The following PSMA3 variants were observed in gnomAD, a reference collection of about 807,000 sequenced individuals.
PSMA3 encodes proteasome 20S subunit alpha 3, also known as proteasome subunit alpha type-3.
PSMA3 carries 8 observed loss-of-function variants against 40.0 expected under a neutral mutation model. That is an observed-to-expected ratio of 0.20 (90% CI 0.12 to 0.36). PSMA3 has a LOEUF of 0.36. PSMA3 is among the 10% of genes least tolerant of loss of function. PSMA3 has a pLI of 1.00. For missense variants in PSMA3, 219 were observed against 310.6 expected (o/e 0.70, Z 2.22); for synonymous variants, 110 against 100.0 (o/e 1.10, Z -0.59).
chr14:58,252,821 G>GAAAA (rs11445029), intron 3 of PSMA3, among the ~76,000 whole-genome samples: 1 of 138,270 alleles, frequency 7.2e-6, no homozygotes, highest in Non-Finnish European at 1.6e-5. Flanking sequence ...ACTACTGAAA[G>GAAAA]AAAAAAAAAA....
chr14:58,249,103 G>C (rs1889942731), intron 2 of PSMA3, among the ~76,000 whole-genome samples: 1 of 152,088 alleles, frequency 6.6e-6, no homozygotes, highest in South Asian at 2.1e-4. Context: ...TGGGATTACA[G>C]ACATGCACCA....
intron 8 of PSMA3, chr14:58,268,815 T>C (rs546230964): frequency 3.3e-5 from 5 of 152,360 alleles, no homozygotes; most frequent in African/African-American, 1.2e-4. Flanking sequence ...TTTTACTTAG[T>C]TGTAGAAAAT....
At chr14:58,255,706 T>C (rs1002351933) in intron 3 of PSMA3, among the ~76,000 whole-genome samples, 1 of 152,068 alleles carries the variant, frequency 6.6e-6, no homozygotes, top group African/African-American at 2.4e-5. Flanking sequence ...GAGGTGGAGG[T>C]TGCGGTGAGC....
chr14:58,256,708 G>A (rs998047976), intron 3 of PSMA3, among the ~76,000 whole-genome samples: 1 of 151,850 alleles, frequency 6.6e-6, no homozygotes, highest in Admixed American at 6.6e-5. Flanking sequence ...CACCAGGTCC[G>A]GCCTGAGCAT....
intron 3 of PSMA3, 51 bp downstream of exon 3, chr14:58,252,293 A>G (rs751226710): frequency 5.1e-6 from 8 of 1,579,230 alleles, no homozygotes; most frequent in Non-Finnish European, 6.9e-6. Context: ...TTTCTTTTGA[A>G]GTAACTGATT....
rs752591943 is a variant in PSMA3 at position 58,247,743 on chromosome 14, C to T, written c.22-7C>T. ...TACAAGCTTACTGTTGCCCTTTTCT[C>T]CTTAAGTATGACCTGTCAGCCTCTA... On this transcript the variant is annotated splice_polypyrimidine_tract_variant and splice_region_variant and intron_variant, in intron 1 of 10. Coordinates refer to ENST00000216455, the MANE Select transcript of PSMA3 (RefSeq NM_002788.4). 8 of 1,579,284 alleles carry T rather than the reference C, an allele frequency of 5.1e-6. No homozygotes were observed. The African/African-American group carries it at 6.8e-5, about 13-fold the overall frequency.
chr14:58,251,859 G>A (rs1423352134), intron 2 of PSMA3, among the ~76,000 whole-genome samples: 9 of 151,914 alleles, frequency 5.9e-5, no homozygotes, highest in Admixed American at 3.3e-4. Flanking sequence ...ATTGTGTTTC[G>A]TTAGCATCAT....
chr14:58,259,231 CTCTGAGT>C (rs542598979), intron 5 of PSMA3, among the ~76,000 whole-genome samples: 15 of 152,226 alleles, frequency 9.9e-5, no homozygotes, highest in Non-Finnish European at 2.1e-4. Context: ...TTCAACTGAG[CTCTGAGT>C]TCATCAGTTA....
intron 2 of PSMA3, among the ~76,000 whole-genome samples, chr14:58,248,563 A>G (rs1423419783): frequency 2.0e-5 from 3 of 152,204 alleles, no homozygotes; most frequent in African/African-American, 7.2e-5. Flanking sequence ...CACTGTGGCC[A>G]GCCTAAATAC....
In PSMA3 at chr14:58,244,864, G is replaced by T. The variant is rs931998346; in HGVS notation, c.-57G>T. 1.6e-5 allele frequency: 26 copies of T among 1,613,740 alleles called. No homozygotes were observed. Among genetic ancestry groups the T allele is most frequent in the Non-Finnish European group, 2.2e-5 (26 of 1,179,696 alleles). On this transcript the variant is annotated 5_prime_UTR_variant, in exon 1 of 11. Coordinates refer to ENST00000216455, the MANE Select transcript of PSMA3 (RefSeq NM_002788.4). ...TGTTACTAGTTTGCGGCATCCTGTG[G>T]TATAGGGGAAGCGCTCCGGGCCTGG...
At position 58,254,240 on chromosome 14, in the gene PSMA3, A is replaced by T. The variant is rs1053804456; in HGVS notation, c.228+1998A>T. Among the ~76,000 whole-genome samples the T allele has an allele frequency of 2.7e-4, 39 of 146,272 alleles. 1 individual carries two copies. The highest frequency in any genetic ancestry group is 1.1e-4 in the Non-Finnish European group (7 of 66,486). On this transcript the variant is annotated intron_variant, in intron 3 of 10. Coordinates refer to ENST00000216455, the MANE Select transcript of PSMA3 (RefSeq NM_002788.4). The stretch of plus-strand genomic sequence containing the variant: ...CCAGTGAAACTGATATGTTTTGATG[A>T]AACTTGCTACATTGTAACCTAGCTA...
intron 8 of PSMA3, chr14:58,267,738 A>G: frequency 1.2e-6 from 1 of 841,604 alleles, no homozygotes; most frequent in Non-Finnish European, 1.5e-6. Context: ...ATAGCTTGAC[A>G]AAATAAACTC....
chr14:58,252,026 A>T (rs1303734811), intron 2 of PSMA3, 93 bp from the exon 3 acceptor site: 1 of 1,347,954 alleles, frequency 7.4e-7, no homozygotes, highest in African/African-American at 1.5e-5. Flanking sequence ...GGCATGCCTT[A>T]AATGTTACTT....
At chr14:58,254,340 A>ATATATATATATATATATGTATATATG in intron 3 of PSMA3, among the ~76,000 whole-genome samples, 1 of 34,780 alleles carries the variant, frequency 2.9e-5, no homozygotes, top group Non-Finnish European at 6.0e-5. Flanking sequence ...ATGCATATAT[A>ATATATATATATATATATGTATATATG]TATGTATGTA....
chr14:58,271,790 C>T (rs1890633353), intron 10 of PSMA3, 61 bp from the exon 11 acceptor site: 1 of 1,241,542 alleles, frequency 8.1e-7, no homozygotes, highest in Non-Finnish European at 1.2e-6. Flanking sequence ...TTAACTTGCC[C>T]ACAGGTGTGG....
chr14:58,265,125 G>C (rs1018722186), intron 7 of PSMA3: 2 of 152,188 alleles, frequency 1.3e-5, no homozygotes, highest in African/African-American at 4.8e-5. Context: ...AGGTGAGGTG[G>C]TGCGTGCCTG....
At chr14:58,264,866 T>A (rs1890389913) in intron 7 of PSMA3, 1 of 152,268 alleles carries the variant, frequency 6.6e-6, no homozygotes, top group Non-Finnish European at 1.5e-5. Context: ...AGACCTATGT[T>A]CTTTTCCATT....
At chr14:58,254,137 T>C (rs930326776) in intron 3 of PSMA3, among the ~76,000 whole-genome samples, 34 of 151,426 alleles carry the variant, frequency 2.2e-4, no homozygotes, top group African/African-American at 6.8e-4. Flanking sequence ...CTTCCACTTA[T>C]AAGAGAGAAC....
chr14:58,261,913 G>C (rs532616988), intron 6 of PSMA3, among the ~76,000 whole-genome samples: 1 of 151,844 alleles, frequency 6.6e-6, no homozygotes, highest in South Asian at 2.1e-4. Context: ...TCGATGTCCA[G>C]CCATGTCATC....
Sources: allele counts gnomAD v4.1 joint callset (sites outside exome capture counted in the v4.1 genomes callset), GRCh38; gene constraint gnomAD v4.1.1; transcripts MANE v1.5; gene names NCBI Gene and HGNC (gene_info 2026-07-23, HGNC 2026-07-21).